CHKA: variants seen among roughly 807,000 people sequenced by gnomAD.
CHKA encodes the protein CHETK-alpha.
A neutral mutation model predicts 60.1 loss-of-function variants in CHKA; 34 were observed. That is an observed-to-expected ratio of 0.57 (90% CI 0.43 to 0.75). The LOEUF (loss-of-function observed/expected upper bound fraction) is 0.75. CHKA is among the 30% of genes least tolerant of loss of function. The pLI is 0.00. For synonymous variants in CHKA, 217 were observed against 223.1 expected (o/e 0.97, Z 0.24); for missense variants, 563 against 561.3 (o/e 1.00, Z -0.03).
At chr11:68,109,909 G>A (rs1465195733) in intron 1 of CHKA, among the ~76,000 whole-genome samples, 4 of 152,100 alleles carry the variant, frequency 2.6e-5, no homozygotes, top group Admixed American at 6.6e-5. Context: ...CCGAGGTCAC[G>A]CCACTGCACT....
intron 2 of CHKA, among the ~76,000 whole-genome samples, chr11:68,083,540 G>A (rs767339952): frequency 1.3e-5 from 2 of 152,088 alleles, no homozygotes; most frequent in African/African-American, 2.4e-5. Flanking sequence ...ATCTTCTTAG[G>A]GAGATACAGT....
chr11:68,080,432 C>T (rs1856948495), intron 3 of CHKA, among the ~76,000 whole-genome samples: 1 of 152,052 alleles, frequency 6.6e-6, no homozygotes, highest in Non-Finnish European at 1.5e-5. Context: ...ACTGCAACCT[C>T]CGCCTCCCAG....
intron 2 of CHKA, among the ~76,000 whole-genome samples, chr11:68,083,654 C>G (rs1590856616): frequency 1.3e-5 from 2 of 152,206 alleles, no homozygotes; most frequent in East Asian, 3.9e-4. Flanking sequence ...GCCCCAAAGT[C>G]TTTCCTTTTT....
intron 1 of CHKA, among the ~76,000 whole-genome samples, chr11:68,117,426 C>T (rs1221284465): frequency 1.3e-5 from 2 of 152,166 alleles, no homozygotes; most frequent in African/African-American, 2.4e-5. Flanking sequence ...CAGTGGCTAA[C>T]GCCTGTAATC....
At chr11:68,086,996 A>T (rs932078335) in intron 2 of CHKA, among the ~76,000 whole-genome samples, 2 of 152,132 alleles carry the variant, frequency 1.3e-5, no homozygotes, top group Non-Finnish European at 1.5e-5. Context: ...AAAAAAAAAA[A>T]ATGTCATTTA....
intron 10 of CHKA, among the ~76,000 whole-genome samples, chr11:68,063,419 A>C (rs1277983073): frequency 1.3e-5 from 2 of 151,812 alleles, no homozygotes; most frequent in Admixed American, 1.3e-4. Flanking sequence ...AGGCTTGCTA[A>C]GAGTTAGAGG....
At chr11:68,118,866 T>C (rs140257445) in intron 1 of CHKA, among the ~76,000 whole-genome samples, 1 of 152,334 alleles carries the variant, frequency 6.6e-6, no homozygotes, top group Non-Finnish European at 1.5e-5. Flanking sequence ...TGACTCTCCC[T>C]GGAGAAAGCC....
rs191850296 is a variant in CHKA at position 68,085,955 on chromosome 11, C to T, written c.463-4498G>A. 7.9e-5 allele frequency among the ~76,000 whole-genome samples: 12 copies of T among 152,114 alleles called. No homozygotes were observed. In the East Asian group the frequency reaches 2.1e-3, roughly 27 times the overall value. On this transcript the variant is annotated intron_variant, in intron 2 of 11. Transcript: ENST00000265689. ...TTTAGGCTTTGTATTTTAAATGAGACTATGAAAAGCAGTAAATATTCATAT... is the reference window on the plus strand; with the variant it reads ...TTTAGGCTTTGTATTTTAAATGAGATTATGAAAAGCAGTAAATATTCATAT...
intron 5 of CHKA, 123 bp from the exon 6 acceptor site, chr11:68,070,416 C>A (rs1036233257): frequency 2.9e-5 from 22 of 756,960 alleles, no homozygotes; most frequent in Non-Finnish European, 4.4e-5. Flanking sequence ...CAGTGGGACC[C>A]CTCTGACTGC....
intron 2 of CHKA, chr11:68,082,366 T>C (rs539503137): frequency 6.5e-6 from 1 of 152,678 alleles, no homozygotes; most frequent in South Asian, 2.1e-4. Flanking sequence ...ATACTGCCTC[T>C]AAAAATGTTA....
At position 68,070,752 on chromosome 11, in the gene CHKA, G is replaced by C. The variant is rs552858667; in HGVS notation, c.736C>G (p.Pro246Ala). 1 of 1,612,364 alleles carries C rather than the reference G, an allele frequency of 6.2e-7. No individual in the cohort carries two copies. The highest frequency in any genetic ancestry group is 2.2e-5 in the East Asian group (1 of 44,802). ...HGMKMPFNKE[P>A]KWLFGTMEKY... ...TCCATTGTGCCAAAAAGCCATTTTG[G>C]TTCCTTATTGAATGGCATTTTCATA... Residue 246 changes from proline (P) to alanine (A), a missense_variant, in exon 5 of 12, where the codon CCA becomes GCA. Pro to Ala is a conservative substitution (Grantham distance 27). Transcript: ENST00000265689.
chr11:68,096,987 T>TC (rs748308087), intron 2 of CHKA, 32 bp downstream of exon 2: 24 of 1,460,966 alleles, frequency 1.6e-5, no homozygotes, highest in Admixed American at 5.2e-5. Flanking sequence ...GTTAACAGGA[T>TC]CCCCCCCTCC....
At chr11:68,075,904 A>T (rs1344581914) in intron 3 of CHKA, among the ~76,000 whole-genome samples, 1 of 152,252 alleles carries the variant, frequency 6.6e-6, no homozygotes, top group Admixed American at 6.5e-5. Context: ...CCCCCTGTGA[A>T]GCAATGTGCT....
At chr11:68,111,992 G>A (rs1858162721) in intron 1 of CHKA, among the ~76,000 whole-genome samples, 1 of 149,426 alleles carries the variant, frequency 6.7e-6, no homozygotes, top group Non-Finnish European at 1.5e-5. Context: ...GGTGGAGGTT[G>A]CGGTGAGCCG....
chr11:68,112,389 C>A (rs1858189596), intron 1 of CHKA, among the ~76,000 whole-genome samples: 1 of 152,128 alleles, frequency 6.6e-6, no homozygotes, highest in Admixed American at 6.5e-5. Flanking sequence ...TCCTGAGTAG[C>A]TGGCATTACA....
chr11:68,119,274 A>C (rs889371410), intron 1 of CHKA, among the ~76,000 whole-genome samples: 4 of 152,178 alleles, frequency 2.6e-5, no homozygotes, highest in Non-Finnish European at 5.9e-5. Context: ...GGGCTGAAGC[A>C]CAAAGAGGAA....
At chr11:68,079,002 C>T (rs751814269) in intron 3 of CHKA, among the ~76,000 whole-genome samples, 2 of 151,396 alleles carry the variant, frequency 1.3e-5, no homozygotes, top group Non-Finnish European at 2.9e-5. Flanking sequence ...GGCAAGATCT[C>T]GGCTCACTGA....
At chr11:68,087,593 G>GA (rs933440489) in intron 2 of CHKA, among the ~76,000 whole-genome samples, 1 of 150,956 alleles carries the variant, frequency 6.6e-6, no homozygotes, top group East Asian at 1.9e-4. Flanking sequence ...GTTTTTTATA[G>GA]AAAAAAAATT....
intron 1 of CHKA, among the ~76,000 whole-genome samples, chr11:68,111,825 G>C (rs934175977): frequency 6.6e-6 from 1 of 151,910 alleles, no homozygotes; most frequent in Middle Eastern, 3.4e-3. Context: ...AGGCTGAGGC[G>C]GGTGGATCAC....
Sources: gnomAD v4.1 joint callset for allele counts (sites outside exome capture counted in the v4.1 genomes callset) on GRCh38, gnomAD v4.1.1 for gene constraint, MANE v1.5 for transcripts, NCBI Gene and HGNC (gene_info 2026-07-23, HGNC 2026-07-21) for gene names.